MDGA2: variants seen among roughly 807,000 people sequenced by gnomAD.
MDGA2 encodes the protein MAM domain containing glycosylphosphatidylinositol anchor 2.
In MDGA2, 40 loss-of-function variants were observed where a neutral mutation model predicts 117.8. The ratio of observed to expected loss-of-function variants is 0.34; its 90% CI spans 0.26 to 0.44. MDGA2 has a LOEUF of 0.44. Among genes scored for constraint, MDGA2 ranks in the 20% least tolerant of loss-of-function variants. The pLI, the probability that MDGA2 is intolerant of heterozygous loss-of-function variation, is 1.00. For synonymous variants in MDGA2, 452 were observed against 439.0 expected (o/e 1.03, Z -0.37); for missense variants, 1,123 against 1,250.6 (o/e 0.90, Z 1.54).
intron 2 of MDGA2, among the ~76,000 whole-genome samples, chr14:47,249,424 C>T (rs1227210562): frequency 3.3e-5 from 5 of 152,104 alleles, no homozygotes; most frequent in African/African-American, 1.2e-4. Flanking sequence ...GGCACTCAAG[C>T]AATCCTCCCA....
chr14:47,642,551 C>A (rs924477100), intron 1 of MDGA2, among the ~76,000 whole-genome samples: 1 of 152,012 alleles, frequency 6.6e-6, no homozygotes, highest in African/African-American at 2.4e-5. Context: ...TATTGCTTGG[C>A]AAACACTGCT....
intron 2 of MDGA2, among the ~76,000 whole-genome samples, chr14:47,246,802 A>AACACACACACAC (rs34773547): frequency 0.21 from 29,968 of 141,494 alleles, 3,772 homozygotes; most frequent in East Asian, 0.33. Context: ...CAGGTAATGA[A>AACACACACACAC]ACACACACAC....
chr14:47,165,614 T>C (rs1284277402), intron 3 of MDGA2, among the ~76,000 whole-genome samples: 2 of 152,142 alleles, frequency 1.3e-5, no homozygotes, highest in Non-Finnish European at 2.9e-5. Context: ...GGACCCTCAA[T>C]TGCTTCCATT....
chr14:47,615,829 ATGGGATGCC>A lies in MDGA2; in HGVS notation c.280+58679_280+58687del, dbSNP rs561962251. ...AAGTATGACTGAAATCTGTGAGCAA[ATGGGATGCC>A]TGATACTGACCCCAGAACTGAGTGG... On this transcript the variant is annotated intron_variant, in intron 1 of 16. Transcript: ENST00000399232. 3.5e-3 allele frequency among the ~76,000 whole-genome samples: 526 copies of A among 152,264 alleles called. 2 individuals carry two copies. Among genetic ancestry groups the A allele is most frequent in the African/African-American group, 0.012 (499 of 41,544 alleles).
At position 46,943,728 on chromosome 14, in the gene MDGA2, C is replaced by T. The variant is rs138022773; in HGVS notation, c.2089+13646G>A. 3.9e-5 allele frequency among the ~76,000 whole-genome samples: 6 copies of T among 152,152 alleles called. No individual in the cohort carries two copies. In the East Asian group the frequency reaches 1.2e-3, roughly 29 times the overall value. On this transcript the variant is annotated intron_variant, in intron 9 of 16. Coordinates refer to ENST00000399232, the MANE Select transcript of MDGA2 (RefSeq NM_001113498.3). The stretch of plus-strand genomic sequence containing the variant: ...TTGGCATGTTTTAGCTCTAAATATG[C>T]TGTGAACCCTAAATTACAATGTTGT...
At chr14:46,950,012 C>G (rs1885311406) in intron 9 of MDGA2, among the ~76,000 whole-genome samples, 1 of 151,588 alleles carries the variant, frequency 6.6e-6, no homozygotes, top group Non-Finnish European at 1.5e-5. Context: ...AAGGAGCCAT[C>G]AAACTGCTGT....
At chr14:47,456,927 C>T (rs1041754453) in intron 1 of MDGA2, among the ~76,000 whole-genome samples, 9 of 151,848 alleles carry the variant, frequency 5.9e-5, no homozygotes, top group Non-Finnish European at 1.3e-4. Context: ...CCCTCATGCT[C>T]TATGTAGACT....
chr14:47,058,759 T>C (rs1410770082), intron 7 of MDGA2: 1 of 985,182 alleles, frequency 1.0e-6, no homozygotes. Context: ...ACAGAATATG[T>C]AATCATCTTC....
chr14:47,451,809 A>G (rs1450239429), intron 1 of MDGA2, among the ~76,000 whole-genome samples: 1 of 152,116 alleles, frequency 6.6e-6, no homozygotes, highest in African/African-American at 2.4e-5. Context: ...AACGTTTGCC[A>G]TTTCCCCACA....
At chr14:47,658,816 G>GA (rs1897792662) in intron 1 of MDGA2, among the ~76,000 whole-genome samples, 1 of 152,184 alleles carries the variant, frequency 6.6e-6, no homozygotes, top group African/African-American at 2.4e-5. Context: ...AGGACTGGTA[G>GA]AAAAGAGAGT....
chr14:47,303,996 C>A (rs963762490), intron 1 of MDGA2, among the ~76,000 whole-genome samples: 1 of 152,120 alleles, frequency 6.6e-6, no homozygotes, highest in Non-Finnish European at 1.5e-5. Flanking sequence ...TATATTATAA[C>A]ACATTCTTGG....
At chr14:47,603,796 A>T (rs1896690958) in intron 1 of MDGA2, among the ~76,000 whole-genome samples, 1 of 152,122 alleles carries the variant, frequency 6.6e-6, no homozygotes, top group African/African-American at 2.4e-5. Flanking sequence ...TGACTGGATC[A>T]CAGGGGCAGA....
chr14:47,588,898 A>G (rs562340892), intron 1 of MDGA2, among the ~76,000 whole-genome samples: 1 of 152,070 alleles, frequency 6.6e-6, no homozygotes, highest in Non-Finnish European at 1.5e-5. Flanking sequence ...CTAGGAAAGT[A>G]TCTGTTTCCT....
intron 4 of MDGA2, among the ~76,000 whole-genome samples, chr14:47,137,754 T>C (rs752237476): frequency 1.3e-5 from 2 of 151,968 alleles, no homozygotes; most frequent in Non-Finnish European, 2.9e-5. Context: ...CTGTAAAGAA[T>C]AGACAAAAAA....
chr14:46,969,194 T>G (rs145047326), intron 8 of MDGA2, among the ~76,000 whole-genome samples: 5 of 152,158 alleles, frequency 3.3e-5, no homozygotes, highest in South Asian at 2.1e-4. Context: ...ATTGTGACTA[T>G]TGCCGCAATA....
chr14:46,894,387 C>T (rs998571846), intron 10 of MDGA2, among the ~76,000 whole-genome samples: 2 of 151,962 alleles, frequency 1.3e-5, no homozygotes, highest in Non-Finnish European at 2.9e-5. Context: ...CAAATGTGTG[C>T]TTTATTTACA....
At chr14:46,958,754 T>C (rs1286832360) in intron 8 of MDGA2, among the ~76,000 whole-genome samples, 1 of 152,230 alleles carries the variant, frequency 6.6e-6, no homozygotes, top group Non-Finnish European at 1.5e-5. Context: ...ATATGGGTAA[T>C]GTTTTATTTT....
chr14:47,555,105 T>C (rs943476494), intron 1 of MDGA2, among the ~76,000 whole-genome samples: 16 of 152,156 alleles, frequency 1.1e-4, no homozygotes, highest in Non-Finnish European at 2.9e-5. Context: ...ATTCCTATTG[T>C]GTGTGTTCTC....
At chr14:46,870,308 T>C (rs2138353204) in intron 14 of MDGA2, among the ~76,000 whole-genome samples, 1 of 152,108 alleles carries the variant, frequency 6.6e-6, no homozygotes, top group East Asian at 1.9e-4. Context: ...CTCATGAAGT[T>C]ATAAATTTAA....
Sources: allele counts gnomAD v4.1 joint callset (sites outside exome capture counted in the v4.1 genomes callset), GRCh38; gene constraint gnomAD v4.1.1; transcripts MANE v1.5; gene names NCBI Gene and HGNC (gene_info 2026-07-23, HGNC 2026-07-21).